Variants in FAM81A observed in about 807,000 individuals in gnomAD.
The protein encoded by FAM81A is protein FAM81A.
In FAM81A, 19 loss-of-function variants were observed where a neutral mutation model predicts 46.7. That is an observed-to-expected ratio of 0.41 (90% CI 0.28 to 0.60). FAM81A has a LOEUF of 0.60. Ranked by LOEUF, FAM81A falls within the 20% of genes least tolerant of loss-of-function variation. The pLI, the probability that FAM81A is intolerant of heterozygous loss-of-function variation, is 0.34. For missense variants in FAM81A, 377 were observed against 453.5 expected, an observed-to-expected ratio of 0.83 and a Z score of 1.53; for synonymous variants, 183 against 152.9, an observed-to-expected ratio of 1.20 and a Z score of -1.45.
At position 59,514,538 on chromosome 15, in the gene FAM81A, C is replaced by A; in HGVS notation, c.786+114C>A. On this transcript the variant is annotated intron_variant, in intron 7 of 8. Coordinates refer to ENST00000288228, the MANE Select transcript of FAM81A (RefSeq NM_152450.3). ...GATTTAGCTGTTCAATTGTTTCTTG[C>A]CTTAAAATCCATTTCCATAGTTCCA... The A allele has an allele frequency of 6.9e-6, 9 of 1,308,916 alleles. No homozygotes were observed. In the South Asian group the frequency reaches 1.5e-4, roughly 22 times the overall value. The allele number at this position is 1,308,916 out of a possible 1,614,324, so 81.1% of individuals were successfully genotyped here.
chr15:59,505,347 A>G (rs753655892), intron 4 of FAM81A, among the ~76,000 whole-genome samples: 19 of 152,096 alleles, frequency 1.2e-4, no homozygotes, highest in Non-Finnish European at 2.5e-4. Flanking sequence ...CCTCATGTTT[A>G]CTAAAAATAC....
chr15:59,459,908 C>G, intron 2 of FAM81A, 25 bp from the exon 3 acceptor site: 1 of 1,545,104 alleles, frequency 6.5e-7, no homozygotes, highest in South Asian at 1.2e-5. Flanking sequence ...TCCCAATTAA[C>G]AACCCTCATG....
chr15:59,515,164 A>G (rs2082253715), intron 7 of FAM81A, among the ~76,000 whole-genome samples: 1 of 152,180 alleles, frequency 6.6e-6, no homozygotes, highest in South Asian at 2.1e-4. Context: ...ATCCACCTTG[A>G]GCCCAGGAAG....
At chr15:59,479,388 G>A (rs1419750998) in intron 3 of FAM81A, among the ~76,000 whole-genome samples, 7 of 151,916 alleles carry the variant, frequency 4.6e-5, no homozygotes, top group Non-Finnish European at 8.8e-5. Flanking sequence ...GCACGTGCCT[G>A]TACTCCCAGC....
At chr15:59,498,038 T>C (rs2082052546) in intron 4 of FAM81A, among the ~76,000 whole-genome samples, 1 of 152,168 alleles carries the variant, frequency 6.6e-6, no homozygotes, top group African/African-American at 2.4e-5. Flanking sequence ...TTTCATTTTT[T>C]GTAGAGACAG....
upstream of FAM81A, among the ~76,000 whole-genome samples, chr15:59,437,292 G>A (rs1398209476): frequency 6.6e-6 from 1 of 151,932 alleles, no homozygotes; most frequent in Non-Finnish European, 1.5e-5. Flanking sequence ...ACAGACAGGA[G>A]CCCCTGTGCT....
intron 1 of FAM81A, among the ~76,000 whole-genome samples, chr15:59,454,528 A>G (rs1648045366): frequency 6.6e-6 from 1 of 152,152 alleles, no homozygotes; most frequent in Admixed American, 6.5e-5. Flanking sequence ...CATAATCACA[A>G]ATAATCATTT....
At chr15:59,464,585 T>C (rs1229119108) in intron 3 of FAM81A, among the ~76,000 whole-genome samples, 3 of 152,346 alleles carry the variant, frequency 2.0e-5, no homozygotes, top group South Asian at 4.1e-4. Context: ...TGGGCCTTTT[T>C]TCATACATTT....
chr15:59,508,982 T>C lies in FAM81A; in HGVS notation c.650+13T>C. The stretch of plus-strand genomic sequence containing the variant: ...TTTTGGACACTAAGTAAGCAATCAA[T>C]TTATTAAAAAAATAAAACTTAAAGT... On this transcript the variant is annotated intron_variant, in intron 6 of 8. Transcript: ENST00000288228. 2.5e-6 allele frequency: 4 copies of C among 1,590,950 alleles called. No homozygotes were observed. The highest frequency in any genetic ancestry group is 3.4e-6 in the Non-Finnish European group (4 of 1,168,406).
At chr15:59,471,684 T>C (rs1437760074) in intron 3 of FAM81A, among the ~76,000 whole-genome samples, 4 of 151,682 alleles carry the variant, frequency 2.6e-5, no homozygotes, top group Non-Finnish European at 5.9e-5. Context: ...GCCCAGCCTC[T>C]GCCTCTGCCT....
chr15:59,515,482 A>G (rs989624947), intron 7 of FAM81A, among the ~76,000 whole-genome samples: 2 of 152,102 alleles, frequency 1.3e-5, no homozygotes, highest in East Asian at 1.9e-4. Flanking sequence ...CAGACTCTGC[A>G]TTGAGCACCA....
chr15:59,510,368 C>CAA (rs34095489), intron 6 of FAM81A, among the ~76,000 whole-genome samples: 3,626 of 106,468 alleles, frequency 0.034, 172 homozygotes, highest in African/African-American at 0.11. Context: ...GACTCTGTCT[C>CAA]AAAAAAAAAA....
chr15:59,401,389 C>T (rs926144487), intron 1 of FAM81A: 43 of 789,858 alleles, frequency 5.4e-5, no homozygotes, highest in Admixed American at 1.4e-4. Flanking sequence ...ACAGTGGGGA[C>T]GACGGGTTCT....
chr15:59,473,445 C>T (rs1204918515), intron 3 of FAM81A, among the ~76,000 whole-genome samples: 1 of 152,190 alleles, frequency 6.6e-6, no homozygotes, highest in Non-Finnish European at 1.5e-5. Context: ...GTACTATCTG[C>T]AGTGTCAGGC....
chr15:59,473,660 A>G (rs1186190884), intron 3 of FAM81A, among the ~76,000 whole-genome samples: 4 of 152,132 alleles, frequency 2.6e-5, no homozygotes, highest in Admixed American at 2.6e-4. Context: ...GAGTCAGTCT[A>G]TTCTGACATT....
intron 4 of FAM81A, among the ~76,000 whole-genome samples, chr15:59,498,693 G>A (rs116046238): frequency 0.015 from 2,342 of 152,184 alleles, 30 homozygotes; most frequent in Non-Finnish European, 0.021. Context: ...TTGCTCTGTC[G>A]CCCAAGCTAC....
At chr15:59,448,587 GTTT>G (rs201830836) in intron 1 of FAM81A, among the ~76,000 whole-genome samples, 3 of 148,714 alleles carry the variant, frequency 2.0e-5, no homozygotes, top group African/African-American at 7.4e-5. Flanking sequence ...ACCTTGGTGG[GTTT>G]TTTTTTTCTT....
Position 59,507,232 on chromosome 15 carries a change from A to C in FAM81A, c.433A>C (p.Arg145=), listed in dbSNP as rs1472879224. 1 of 1,611,368 alleles carries C rather than the reference A, an allele frequency of 6.2e-7. No individual in the cohort carries two copies. The highest frequency in any genetic ancestry group is 1.7e-5 in the Admixed American group (1 of 59,596). ...RVARCDASIA[R]LSAEHKTTYE... ...GGACAGATGTGATGCCAGCATAGCTAGACTTTCTGCAGAGCACAAAACGAC... is the reference window on the plus strand; with the variant it reads ...GGACAGATGTGATGCCAGCATAGCTCGACTTTCTGCAGAGCACAAAACGAC... Residue 145 remains arginine, a synonymous_variant, in exon 5 of 9, where the codon AGA becomes CGA. Transcript: ENST00000288228.
chr15:59,461,472 A>G (rs2081550541), intron 3 of FAM81A, among the ~76,000 whole-genome samples: 1 of 152,074 alleles, frequency 6.6e-6, no homozygotes, highest in African/African-American at 2.4e-5. Context: ...TTTTAATACT[A>G]CAAGGTCCAT....
Sources: allele counts gnomAD v4.1 joint callset (sites outside exome capture counted in the v4.1 genomes callset), GRCh38; gene constraint gnomAD v4.1.1; transcripts MANE v1.5; gene names NCBI Gene and HGNC (gene_info 2026-07-23, HGNC 2026-07-21).